The following GATAD1 variants were observed in gnomAD, a reference collection of about 807,000 sequenced individuals.
The protein encoded by GATAD1 is GATA zinc finger domain containing 1.
Under a neutral mutation model 26.5 loss-of-function variants are expected in GATAD1, and 12 were observed. The observed-to-expected ratio is 0.45, with a 90% confidence interval of 0.29 to 0.73. The LOEUF is 0.73. Ranked by LOEUF, GATAD1 falls within the 30% of genes least tolerant of loss-of-function variation. GATAD1 has a pLI of 0.10. For missense variants in GATAD1, 266 were observed against 342.1 expected (o/e 0.78, Z 1.75); for synonymous variants, 129 against 133.1 (o/e 0.97, Z 0.21).
chr7:92,455,729 C>T (rs1159762940), intron 4 of GATAD1, among the ~76,000 whole-genome samples: 14 of 152,158 alleles, frequency 9.2e-5, no homozygotes, highest in Admixed American at 9.2e-4. Flanking sequence ...GTTATTCTCA[C>T]CTATATGTCA....
downstream of GATAD1, among the ~76,000 whole-genome samples, chr7:92,462,349 CATA>C (rs1288584278): frequency 2.0e-5 from 3 of 149,838 alleles, no homozygotes; most frequent in Non-Finnish European, 4.4e-5. Context: ...GACACAACTA[CATA>C]ATGATTCTGA....
chr7:92,489,652 C>T, the GATAD1 span: 2 of 1,452,938 alleles, frequency 1.4e-6, no homozygotes, highest in Non-Finnish European at 1.9e-6. Flanking sequence ...AAATATATAT[C>T]AAAAGGGTGA....
At chr7:92,489,392 A>T in the GATAD1 span, 1 of 1,612,936 alleles carries the variant, frequency 6.2e-7, no homozygotes, top group African/African-American at 1.3e-5. Context: ...TCTGGTTTTG[A>T]TTGGTCCTGG....
At chr7:92,463,407 T>G (rs1789990830), downstream of GATAD1, among the ~76,000 whole-genome samples, 3 of 152,132 alleles carry the variant, frequency 2.0e-5, no homozygotes, top group Admixed American at 2.0e-4. Context: ...ATCCCAGAAC[T>G]TTGGGAGGCC....
chr7:92,493,007 A>G, the GATAD1 span: 1 of 1,613,926 alleles, frequency 6.2e-7, no homozygotes, highest in Non-Finnish European at 8.5e-7. Flanking sequence ...GGGCATTGTA[A>G]AGTAAAGCTT....
the GATAD1 span, among the ~76,000 whole-genome samples, chr7:92,485,572 C>T: frequency 5.9e-5 from 9 of 152,348 alleles, no homozygotes; most frequent in Non-Finnish European, 8.8e-5. Context: ...GCCTTCTTCA[C>T]AGGATCCAAG....
At chr7:92,488,752 C>G in the GATAD1 span, among the ~76,000 whole-genome samples, 1 of 141,204 alleles carries the variant, frequency 7.1e-6, no homozygotes, top group Non-Finnish European at 1.5e-5. Context: ...TTTTTTGAGA[C>G]ACAGTCTCGC....
intron 3 of GATAD1, among the ~76,000 whole-genome samples, chr7:92,453,791 T>A (rs1341470588): frequency 6.6e-6 from 1 of 152,210 alleles, no homozygotes; most frequent in South Asian, 2.1e-4. Context: ...TGAGCTGATG[T>A]AGGAGCTTTG....
chr7:92,460,698 G>A (rs1229587069), downstream of GATAD1, among the ~76,000 whole-genome samples: 1 of 151,228 alleles, frequency 6.6e-6, no homozygotes, highest in East Asian at 1.9e-4. Flanking sequence ...AGAGGCTGAG[G>A]TGGAGGATCA....
the GATAD1 span, among the ~76,000 whole-genome samples, chr7:92,485,594 C>T: frequency 6.6e-6 from 1 of 152,220 alleles, no homozygotes; most frequent in East Asian, 1.9e-4. Context: ...GCACCAGACA[C>T]TCTGGGGATT....
the GATAD1 span, among the ~76,000 whole-genome samples, chr7:92,485,832 C>T: frequency 1.3e-5 from 2 of 152,296 alleles, no homozygotes; most frequent in South Asian, 4.1e-4. Context: ...CAGATAGTGG[C>T]TAATAACATA....
At chr7:92,487,540 A>T in the GATAD1 span, 1 of 1,502,448 alleles carries the variant, frequency 6.7e-7, no homozygotes, top group Non-Finnish European at 9.2e-7. Context: ...AAGCTTTCAT[A>T]TCTGAAAAAA....
At chr7:92,468,765 C>A in the GATAD1 span, 1 of 728,922 alleles carries the variant, frequency 1.4e-6, no homozygotes, top group South Asian at 1.4e-5. Context: ...GACGACCGCT[C>A]TAACTGCTTC....
the GATAD1 span, chr7:92,487,547 A>C: frequency 2.8e-6 from 4 of 1,432,024 alleles, no homozygotes; most frequent in Non-Finnish European, 3.9e-6. Context: ...CATATCTGAA[A>C]AAAGAAAGAG....
the GATAD1 span, among the ~76,000 whole-genome samples, chr7:92,466,014 AAAAAG>A: frequency 2.0e-5 from 3 of 152,170 alleles, no homozygotes; most frequent in African/African-American, 7.2e-5. Flanking sequence ...AAAAAAAAGA[AAAAAG>A]AAAAGCTACA....
chr7:92,452,849 T>C (rs1273720146), intron 3 of GATAD1, among the ~76,000 whole-genome samples: 1 of 152,270 alleles, frequency 6.6e-6, no homozygotes, highest in Non-Finnish European at 1.5e-5. Flanking sequence ...TACATTTGAA[T>C]ATGCTGTGTT....
rs919568488 is a variant in GATAD1, at chr7:92,447,543, C to T, written c.-187C>T. On this transcript the variant is annotated 5_prime_UTR_variant, in exon 1 of 5. Transcript: ENST00000287957. ...GAATCCTGGCCTCCGCCTGCGGAGC[C>T]GGCGGAACCCGCTTCCCGCCTCCAC... is the stretch of plus-strand genomic sequence containing the variant. 3.1e-5 allele frequency: 20 copies of T among 646,006 alleles called. No homozygotes were observed. The highest frequency in any genetic ancestry group is 4.0e-5 in the Non-Finnish European group (18 of 450,648). The allele number at this position is 646,006 out of a possible 1,614,324, so 40.0% of individuals were successfully genotyped here.
chr7:92,479,813 G>A, the GATAD1 span, among the ~76,000 whole-genome samples: 5 of 152,122 alleles, frequency 3.3e-5, no homozygotes, highest in Non-Finnish European at 7.3e-5. Context: ...AGCATTTATT[G>A]TATAGAACGA....
the GATAD1 span, chr7:92,469,893 G>A: frequency 5.1e-6 from 4 of 778,708 alleles, no homozygotes; most frequent in South Asian, 2.7e-5. Context: ...GGCTTACCAG[G>A]CGAGTATGGG....
Sources: gnomAD v4.1 joint callset for allele counts (sites outside exome capture counted in the v4.1 genomes callset) on GRCh38, gnomAD v4.1.1 for gene constraint, MANE v1.5 for transcripts, NCBI Gene and HGNC (gene_info 2026-07-23, HGNC 2026-07-21) for gene names.